Variants in OR4N2 observed in about 807,000 individuals in gnomAD.
The protein encoded by OR4N2 is olfactory receptor 4N2.
For synonymous variants in OR4N2, 141 were observed against 140.4 expected, an observed-to-expected ratio of 1.00 and a Z score of -0.03; for missense variants, 307 against 377.6, an observed-to-expected ratio of 0.81 and a Z score of 1.55.
intron 1 of OR4N2, among the ~76,000 whole-genome samples, chr14:19,805,963 T>C (rs188323039): frequency 2.0e-5 from 3 of 152,290 alleles, no homozygotes; most frequent in Admixed American, 2.0e-4. Context: ...GAATTTCATA[T>C]CCCACCCAAA....
chr14:19,819,570 C>T (rs1287856739), intron 1 of OR4N2, among the ~76,000 whole-genome samples: 1 of 152,238 alleles, frequency 6.6e-6, no homozygotes, highest in African/African-American at 2.4e-5. Context: ...AGTGGTTATT[C>T]TAGTTATCAA....
intron 1 of OR4N2, among the ~76,000 whole-genome samples, chr14:19,826,390 A>T (rs1009042153): frequency 1.5e-4 from 23 of 152,274 alleles, no homozygotes; most frequent in Non-Finnish European, 2.6e-4. Flanking sequence ...AGCTGTGATT[A>T]AAAAATTCTT....
At chr14:19,824,868 G>C (rs1879652473) in intron 1 of OR4N2, among the ~76,000 whole-genome samples, 1 of 152,240 alleles carries the variant, frequency 6.6e-6, no homozygotes, top group South Asian at 2.1e-4. Context: ...CAAAACTTCA[G>C]ATCAACAATA....
intron 1 of OR4N2, among the ~76,000 whole-genome samples, chr14:19,817,621 A>C (rs961496906): frequency 6.6e-6 from 1 of 152,284 alleles, no homozygotes; most frequent in South Asian, 2.1e-4. Flanking sequence ...TATTTTGTTA[A>C]TGTTTTCAAA....
At chr14:19,823,224 C>G (rs1879609559) in intron 1 of OR4N2, among the ~76,000 whole-genome samples, 1 of 152,184 alleles carries the variant, frequency 6.6e-6, no homozygotes, top group Non-Finnish European at 1.5e-5. Flanking sequence ...GCTATTACTA[C>G]TAATATTACA....
chr14:19,824,457 G>A (rs1879642104), intron 1 of OR4N2, among the ~76,000 whole-genome samples: 2 of 152,340 alleles, frequency 1.3e-5, no homozygotes, highest in African/African-American at 4.8e-5. Context: ...ATCCTCAAAT[G>A]TCTCAGGGAT....
intron 1 of OR4N2, among the ~76,000 whole-genome samples, chr14:19,816,524 T>C (rs1179533098): frequency 6.6e-6 from 1 of 152,284 alleles, no homozygotes; most frequent in Non-Finnish European, 1.5e-5. Flanking sequence ...GGAATGTTTG[T>C]AATTTTTGCA....
At chr14:19,819,512 T>C (rs1879510276) in intron 1 of OR4N2, among the ~76,000 whole-genome samples, 1 of 152,290 alleles carries the variant, frequency 6.6e-6, no homozygotes, top group Admixed American at 6.5e-5. Flanking sequence ...CATGAAGTTC[T>C]TGTGCTGTGT....
At chr14:19,825,929 T>C (rs1252206493) in intron 1 of OR4N2, among the ~76,000 whole-genome samples, 41 of 152,218 alleles carry the variant, frequency 2.7e-4, no homozygotes, top group Admixed American at 1.5e-3. Flanking sequence ...TATATTACAG[T>C]TTGTATTTTG....
At chr14:19,806,372 G>A (rs1440081470) in intron 1 of OR4N2, among the ~76,000 whole-genome samples, 6 of 152,158 alleles carry the variant, frequency 3.9e-5, no homozygotes, top group African/African-American at 1.4e-4. Context: ...GTAAAGGGAT[G>A]CAGAAAGATT....
At chr14:19,812,632 A>T (rs1279570191) in intron 1 of OR4N2, among the ~76,000 whole-genome samples, 1 of 152,176 alleles carries the variant, frequency 6.6e-6, no homozygotes, top group Non-Finnish European at 1.5e-5. Context: ...TGCTGGGATG[A>T]CAGGCGTGAG....
intron 1 of OR4N2, among the ~76,000 whole-genome samples, chr14:19,814,072 GTTC>G (rs1879367506): frequency 6.6e-6 from 1 of 151,832 alleles, no homozygotes; most frequent in Non-Finnish European, 1.5e-5. Context: ...CCAAATCTGT[GTTC>G]TTATTTCACT....
intron 1 of OR4N2, among the ~76,000 whole-genome samples, chr14:19,825,802 C>T (rs1276288576): frequency 6.6e-6 from 1 of 152,194 alleles, no homozygotes; most frequent in Non-Finnish European, 1.5e-5. Flanking sequence ...TCGTGATCCA[C>T]CCACCTAGGC....
chr14:19,809,128 C>T (rs1296798966), intron 1 of OR4N2, among the ~76,000 whole-genome samples: 5 of 151,788 alleles, frequency 3.3e-5, no homozygotes, highest in African/African-American at 1.2e-4. Context: ...ATAAATGGTG[C>T]TGGGATAACT....
At chr14:19,820,370 T>C (rs1461425536) in intron 1 of OR4N2, among the ~76,000 whole-genome samples, 2 of 152,274 alleles carry the variant, frequency 1.3e-5, no homozygotes, top group African/African-American at 2.4e-5. Flanking sequence ...CTTTTCATTG[T>C]AATGTCAGAG....
At chr14:19,804,765 C>G (rs1202758333) in intron 1 of OR4N2, among the ~76,000 whole-genome samples, 1 of 152,182 alleles carries the variant, frequency 6.6e-6, no homozygotes, top group Non-Finnish European at 1.5e-5. Context: ...CATTTTCTAT[C>G]TCAATGCTCT....
At position 19,827,832 on chromosome 14, in the gene OR4N2, G is replaced by A. The variant is rs370667217; in HGVS notation, c.384G>A (p.Arg128=). The A allele has an allele frequency of 6.2e-7, 1 of 1,614,234 alleles. No individual in the cohort carries two copies. The highest frequency in any genetic ancestry group is 1.6e-4 in the Middle Eastern group (1 of 6,062). The change falls in exon 2 of 2, where the codon CGG becomes CGA. Residue 128 remains arginine, a synonymous_variant. Transcript: ENST00000557677. The stretch of plus-strand genomic sequence containing the variant: ...TTGACCGCTACATCGCCATCTGCCG[G>A]CCTCTGCACTATCCTACTGTCATGA... ...MAFDRYIAIC[R]PLHYPTVMNP...
chr14:19,812,527 T>G (rs1306839922), intron 1 of OR4N2, among the ~76,000 whole-genome samples: 5 of 152,096 alleles, frequency 3.3e-5, no homozygotes, highest in Admixed American at 6.5e-5. Flanking sequence ...TTTGTTTGTT[T>G]TTTGTATTTT....
chr14:19,804,539 A>G (rs1879117162), intron 1 of OR4N2, among the ~76,000 whole-genome samples: 1 of 152,172 alleles, frequency 6.6e-6, no homozygotes, highest in African/African-American at 2.4e-5. Context: ...TTCAATGTTT[A>G]TTGCATTGTA....
Sources: allele counts gnomAD v4.1 joint callset (sites outside exome capture counted in the v4.1 genomes callset), GRCh38; gene constraint gnomAD v4.1.1; transcripts MANE v1.5; gene names NCBI Gene and HGNC (gene_info 2026-07-23, HGNC 2026-07-21).